USP54: variants seen among roughly 807,000 people sequenced by gnomAD.
USP54 encodes the protein ubiquitin specific peptidase 54, also known as ubiquitin carboxyl-terminal hydrolase 54.
USP54 carries 87 observed loss-of-function variants against 170.5 expected under a neutral mutation model. The ratio of observed to expected loss-of-function variants is 0.51; its 90% CI spans 0.43 to 0.61. The LOEUF is 0.61. Among genes scored for constraint, USP54 ranks in the 20% least tolerant of loss-of-function variants. USP54 has a pLI of 0.00. For missense variants in USP54, 1,786 were observed against 2,047.8 expected (o/e 0.87, Z 2.47); for synonymous variants, 655 against 742.8 (o/e 0.88, Z 1.92).
chr10:73,530,599 A>G, intron 13 of USP54, 76 bp from the exon 14 acceptor site: 6 of 1,565,036 alleles, frequency 3.8e-6, no homozygotes, highest in African/African-American at 2.7e-5. Context: ...TCGAAAAAGC[A>G]AAGAAAAGCC....
chr10:73,567,754 CA>C (rs1490627743), intron 4 of USP54, among the ~76,000 whole-genome samples: 1 of 152,150 alleles, frequency 6.6e-6, no homozygotes, highest in Non-Finnish European at 1.5e-5. Flanking sequence ...TCTGACTTAT[CA>C]GTAGATTGAG....
intron 1 of USP54, among the ~76,000 whole-genome samples, chr10:73,612,546 A>T (rs1247176572): frequency 2.6e-5 from 4 of 152,146 alleles, no homozygotes; most frequent in Admixed American, 6.6e-5. Flanking sequence ...TATATGATAA[A>T]GAATATACTT....
chr10:73,541,622 A>C lies in USP54; in HGVS notation c.678+11T>G. 6.2e-7 allele frequency: 1 copy of C among 1,613,986 alleles called. No homozygotes were observed. Among genetic ancestry groups the C allele is most frequent in the Non-Finnish European group, 8.5e-7 (1 of 1,179,972 alleles). ...TTTCCCACTCCAAACCCCACCCCTGATTTAACTCACTGGACAGTTCCGCAG... is the reference window on the plus strand; with the variant it reads ...TTTCCCACTCCAAACCCCACCCCTGCTTTAACTCACTGGACAGTTCCGCAG... On this transcript the variant is annotated intron_variant, in intron 8 of 23. Coordinates refer to ENST00000687698, the MANE Select transcript of USP54 (RefSeq NM_001391956.1).
At chr10:73,528,875 A>G (rs1171968535) in intron 15 of USP54, among the ~76,000 whole-genome samples, 1 of 152,248 alleles carries the variant, frequency 6.6e-6, no homozygotes, top group Non-Finnish European at 1.5e-5. Flanking sequence ...AATGGTTACT[A>G]TAATTGAAGG....
In USP54 at chr10:73,498,863, A is replaced by G. The variant is rs374363717; in HGVS notation, c.4821T>C (p.Ser1607=). The change falls in exon 24 of 24, where the codon TCT becomes TCC. Residue 1607 remains serine, a synonymous_variant. Coordinates refer to ENST00000687698, the MANE Select transcript of USP54 (RefSeq NM_001391956.1). ...ACCTCAGGGGTACATGAAGACTGCTAGATGGTGGGTACACAGGATGAACAA... is the reference window on the plus strand; with the variant it reads ...ACCTCAGGGGTACATGAAGACTGCTGGATGGTGGGTACACAGGATGAACAA... ...PPIVHPVYPP[S]SSLHVPLRSA... The G allele has an allele frequency of 7.3e-7, 1 of 1,376,568 alleles. No homozygotes were observed. Among genetic ancestry groups the G allele is most frequent in the African/African-American group, 1.5e-5 (1 of 67,522 alleles). The allele number at this position is 1,376,568 out of a possible 1,614,324, so 85.3% of individuals were successfully genotyped here.
chr10:73,563,730 C>T (rs893341844), intron 4 of USP54, among the ~76,000 whole-genome samples: 1 of 152,162 alleles, frequency 6.6e-6, no homozygotes, highest in South Asian at 2.1e-4. Context: ...AGCCACCGCA[C>T]CCAGCCTTTT....
chr10:73,548,932 T>C lies in USP54; in HGVS notation c.241-3260A>G, dbSNP rs576465224. ...ATCCAAGTTTTATTTTTCAGACATA[T>C]TACTAACAAGACCAGAAATAAGACC... On this transcript the variant is annotated intron_variant, in intron 4 of 23. Transcript: ENST00000687698. Among the ~76,000 whole-genome samples, 30 of 152,290 alleles carry C rather than the reference T, an allele frequency of 2.0e-4. No individual in the cohort carries two copies. In the South Asian group the frequency reaches 6.2e-3, roughly 32 times the overall value.
chr10:73,580,722 A>G (rs2076795243), intron 1 of USP54, among the ~76,000 whole-genome samples: 1 of 151,902 alleles, frequency 6.6e-6, no homozygotes, highest in Non-Finnish European at 1.5e-5. Context: ...ACAGGCACGC[A>G]CCATCACGCT....
intron 1 of USP54, among the ~76,000 whole-genome samples, chr10:73,597,852 A>T (rs1040275603): frequency 3.3e-5 from 5 of 152,170 alleles, no homozygotes; most frequent in African/African-American, 1.2e-4. Context: ...TGGGAGGCCA[A>T]AGCGGGTGGA....
At chr10:73,515,930 G>A in intron 20 of USP54, 1 of 155,502 alleles carries the variant, frequency 6.4e-6, no homozygotes, top group Non-Finnish European at 1.4e-5. Flanking sequence ...CTACAGGCAA[G>A]TACCACCACG....
At position 73,615,831 on chromosome 10, in the gene USP54, G is replaced by A. The variant is rs766583494; in HGVS notation, c.-18+9736C>T. Reference sequence around the variant, plus strand: ...GCTACTCGGGAGGTTGAGGTGGGACGATCACCTGAGCTTGGGAAATTGAGG... The same window carrying A: ...GCTACTCGGGAGGTTGAGGTGGGACAATCACCTGAGCTTGGGAAATTGAGG... On this transcript the variant is annotated intron_variant, in intron 1 of 22. Coordinates refer to the USP54 transcript ENST00000339859. Among the ~76,000 whole-genome samples the A allele has an allele frequency of 1.1e-4, 16 of 144,812 alleles. 1 individual carries two copies. Among genetic ancestry groups the A allele is most frequent in the African/African-American group, 2.4e-4 (9 of 36,802 alleles).
At chr10:73,543,576 C>A (rs1373785529) in intron 5 of USP54, among the ~76,000 whole-genome samples, 1 of 152,106 alleles carries the variant, frequency 6.6e-6, no homozygotes, top group Non-Finnish European at 1.5e-5. Flanking sequence ...CCGTGTTAGC[C>A]AGGATGGTCT....
chr10:73,551,737 G>C (rs1330662603), intron 4 of USP54, among the ~76,000 whole-genome samples: 1 of 152,188 alleles, frequency 6.6e-6, no homozygotes. Context: ...ACAGAACAAA[G>C]GATGGATGAG....
At position 73,599,924 on chromosome 10, in the gene USP54, A is replaced by T. The variant is rs544972173; in HGVS notation, c.-17-24249T>A. ...CTTTTTTTTTTTTTTTTTTTGAGATAGAGTTTCGCTCTTTTTGCCCAGGCT... is the reference window on the plus strand; with the variant it reads ...CTTTTTTTTTTTTTTTTTTTGAGATTGAGTTTCGCTCTTTTTGCCCAGGCT... On this transcript the variant is annotated intron_variant, in intron 1 of 22. Coordinates refer to the USP54 transcript ENST00000339859. Among the ~76,000 whole-genome samples the T allele has an allele frequency of 9.6e-5, 13 of 135,934 alleles. No homozygotes were observed. The Admixed American group carries it at 9.9e-4, about 10-fold the overall frequency. The allele number at this position is 135,934 out of a possible 152,430, so 89.2% of individuals were successfully genotyped here.
At chr10:73,613,094 CTGTAGTG>C (rs1310257313) in intron 1 of USP54, among the ~76,000 whole-genome samples, 79 of 149,044 alleles carry the variant, frequency 5.3e-4, no homozygotes, top group African/African-American at 2.0e-3. Flanking sequence ...GAGGTCAAGG[CTGTAGTG>C]AGTGGTGACC....
chr10:73,531,761 A>C (rs1363182646), intron 12 of USP54, among the ~76,000 whole-genome samples: 1 of 152,226 alleles, frequency 6.6e-6, no homozygotes, highest in Non-Finnish European at 1.5e-5. Context: ...CCTTAATACT[A>C]ATCACTGGGA....
chr10:73,526,604 G>T (rs371111590), intron 16 of USP54, 43 bp downstream of exon 16: 1 of 1,608,736 alleles, frequency 6.2e-7, no homozygotes, highest in Non-Finnish European at 8.5e-7. Flanking sequence ...AGACAAAACT[G>T]CCGGTCAAAT....
At chr10:73,512,769 T>A (rs1423449134) in intron 20 of USP54, among the ~76,000 whole-genome samples, 2 of 152,162 alleles carry the variant, frequency 1.3e-5, no homozygotes, top group East Asian at 1.9e-4. Flanking sequence ...GACAAAAAAA[T>A]TAATGGTCAG....
At chr10:73,541,801 T>A in intron 7 of USP54, 63 bp from the exon 8 acceptor site, 1 of 1,492,122 alleles carries the variant, frequency 6.7e-7, no homozygotes, top group Non-Finnish European at 9.3e-7. Flanking sequence ...AATCAAACAT[T>A]AATGTACATT....
Sources: allele counts gnomAD v4.1 joint callset (sites outside exome capture counted in the v4.1 genomes callset), GRCh38; gene constraint gnomAD v4.1.1; transcripts MANE v1.5; gene names NCBI Gene and HGNC (gene_info 2026-07-23, HGNC 2026-07-21).